BTD: variants seen among roughly 807,000 people sequenced by gnomAD.
The protein encoded by BTD is biotinidase.
BTD carries 13 observed loss-of-function variants against 17.7 expected under a neutral mutation model. That is an observed-to-expected ratio of 0.74 (90% CI 0.48 to 1.17). The LOEUF is 1.17. BTD is among the 50% of genes most tolerant of loss of function. The pLI is 0.00. For synonymous variants in BTD, 240 were observed against 245.2 expected, an observed-to-expected ratio of 0.98 and a Z score of 0.20; for missense variants, 674 against 650.4, an observed-to-expected ratio of 1.04 and a Z score of -0.39.
At chr3:15,688,040 G>A (rs531018953) in intron 3 of BTD, among the ~76,000 whole-genome samples, 102 of 152,324 alleles carry the variant, frequency 6.7e-4, no homozygotes, top group African/African-American at 2.4e-3. Flanking sequence ...TTATTGAATA[G>A]ATAGGCACTA....
intron 3 of BTD, among the ~76,000 whole-genome samples, chr3:15,682,204 GATTA>G (rs2067621061): frequency 6.6e-6 from 1 of 152,058 alleles, no homozygotes; most frequent in Non-Finnish European, 1.5e-5. Context: ...CATAAAAAAA[GATTA>G]TTTATGTTAA....
In BTD at chr3:15,645,024, G is replaced by T; in HGVS notation, c.1108G>T (p.Ala370Ser). The T allele has an allele frequency of 6.2e-7, 1 of 1,614,188 alleles. No homozygotes were observed. ...CDEATKWNVN[A>S]PPTFHSEMMY... ...TGAGGCCACCAAGTGGAACGTGAAT[G>T]CTCCTCCCACATTTCACTCTGAGAT... is the stretch of plus-strand genomic sequence containing the variant. Residue 370 changes from alanine (A) to serine (S), a missense_variant, in exon 4 of 4, where the codon GCT becomes TCT. Ala to Ser is a moderately conservative substitution (Grantham distance 99). Coordinates refer to ENST00000643237, the MANE Select transcript of BTD (RefSeq NM_001370658.1).
In BTD at chr3:15,648,040, G is replaced by C. The variant is rs2065734492; in HGVS notation, c.*2552G>C. Among the ~76,000 whole-genome samples the C allele has an allele frequency of 6.6e-6, 1 of 152,086 alleles. No individual in the cohort carries two copies. Among genetic ancestry groups the C allele is most frequent in the East Asian group, 1.9e-4 (1 of 5,186 alleles). ...CCACAGGTGGCCCTGCTTGGTACCT[G>C]TGCCCCCACCCCCCAGCCATGGTAT... is the stretch of plus-strand genomic sequence containing the variant. On this transcript the variant is annotated 3_prime_UTR_variant, in exon 4 of 4. Transcript: ENST00000643237.
At chr3:15,679,585 G>A (rs1413920248) in intron 3 of BTD, 1 of 1,583,820 alleles carries the variant, frequency 6.3e-7, no homozygotes, top group South Asian at 1.1e-5. Context: ...TAAAGAACCA[G>A]GTATTAAAAT....
chr3:15,713,326 C>A (rs947371814), downstream of BTD, among the ~76,000 whole-genome samples: 18 of 152,272 alleles, frequency 1.2e-4, 2 homozygotes, highest in South Asian at 3.3e-3. Flanking sequence ...GGGTAACATA[C>A]ATAAAAATAC....
In BTD at chr3:15,652,714, T is replaced by A. The variant is rs1288624195; in HGVS notation, c.*7226T>A. ...TACAATAGTCTTGCTACCAGCACCT[T>A]AATCTCCCACATCCAAGTTAAAATT... On this transcript the variant is annotated 3_prime_UTR_variant, in exon 4 of 4. Transcript: ENST00000643237. Among the ~76,000 whole-genome samples the A allele has an allele frequency of 1.3e-5, 2 of 152,248 alleles. No homozygotes were observed. The highest frequency in any genetic ancestry group is 2.9e-5 in the Non-Finnish European group (2 of 68,046).
intron 3 of BTD, among the ~76,000 whole-genome samples, chr3:15,659,785 G>A (rs1026876286): frequency 2.0e-5 from 3 of 152,272 alleles, no homozygotes; most frequent in East Asian, 1.9e-4. Context: ...TCCTTTATAT[G>A]CAGTCTTCCC....
chr3:15,696,712 G>C (rs750157367), intron 3 of BTD, among the ~76,000 whole-genome samples: 6 of 151,964 alleles, frequency 3.9e-5, no homozygotes, highest in Non-Finnish European at 8.8e-5. Flanking sequence ...ACCAAGGTCA[G>C]AACTCAATGA....
chr3:15,717,565 C>T (rs941604399), downstream of BTD, among the ~76,000 whole-genome samples: 1 of 151,602 alleles, frequency 6.6e-6, no homozygotes, highest in Non-Finnish European at 1.5e-5. Flanking sequence ...AAATTTAGAG[C>T]TACAAAAATC....
At chr3:15,695,921 C>T (rs2069478244) in intron 3 of BTD, among the ~76,000 whole-genome samples, 1 of 151,936 alleles carries the variant, frequency 6.6e-6, no homozygotes, top group East Asian at 1.9e-4. Flanking sequence ...TAATCAGTAG[C>T]CCTCTTCAGA....
chr3:15,702,626 C>T lies in BTD; in HGVS notation c.400-7434C>T, dbSNP rs2070777180. Among the ~76,000 whole-genome samples the T allele has an allele frequency of 3.3e-5, 5 of 152,056 alleles. 1 individual carries two copies. In the South Asian group the frequency reaches 1.0e-3, roughly 32 times the overall value. ...CTATTTAAATTTCTCCTACTCTTAC[C>T]CTACCACTCATGAACCCTACTATTT... On this transcript the variant is annotated intron_variant, in intron 3 of 3. Transcript: ENST00000672141.
At chr3:15,673,672 A>C (rs2066608339) in intron 3 of BTD, among the ~76,000 whole-genome samples, 1 of 152,202 alleles carries the variant, frequency 6.6e-6, no homozygotes, top group Non-Finnish European at 1.5e-5. Flanking sequence ...TGAGAAGATG[A>C]AACTGGAGCT....
chr3:15,673,439 C>T (rs1050013462), intron 3 of BTD, among the ~76,000 whole-genome samples: 1 of 152,208 alleles, frequency 6.6e-6, no homozygotes, highest in African/African-American at 2.4e-5. Flanking sequence ...AAGAATATAT[C>T]AGTGAATGCA....
chr3:15,685,726 T>C (rs916765515), intron 3 of BTD, among the ~76,000 whole-genome samples: 5 of 152,174 alleles, frequency 3.3e-5, no homozygotes, highest in Non-Finnish European at 7.3e-5. Flanking sequence ...GATTAAAGTG[T>C]ATAAGAAAAT....
Position 15,665,161 on chromosome 3 carries a change from A to G in BTD, c.399+23104A>G, listed in dbSNP as rs758349488. On this transcript the variant is annotated intron_variant, in intron 3 of 3. Transcript: ENST00000672141. The stretch of plus-strand genomic sequence containing the variant: ...CACAAGGAAATGAGAAGTAACACAA[A>G]AAGAGGAATGAAGCAGAGAAATGGA... 6.0e-4 allele frequency among the ~76,000 whole-genome samples: 92 copies of G among 152,352 alleles called. 1 individual carries two copies. The highest frequency in any genetic ancestry group is 1.2e-3 in the South Asian group (6 of 4,828).
At chr3:15,601,570 G>A (rs772176526), upstream of BTD, 5 of 1,598,392 alleles carry the variant, frequency 3.1e-6, no homozygotes, top group Non-Finnish European at 4.2e-6. Context: ...CTGCACCTCT[G>A]ACGGACAGGA....
downstream of BTD, among the ~76,000 whole-genome samples, chr3:15,656,586 G>A (rs2470533): frequency 0.66 from 100,180 of 152,020 alleles, 33,291 homozygotes; most frequent in East Asian, 0.77. Flanking sequence ...CTTTTGCCTG[G>A]GTGCTGGTTT....
intron 3 of BTD, among the ~76,000 whole-genome samples, chr3:15,671,192 T>G (rs2066298871): frequency 6.6e-6 from 1 of 152,202 alleles, no homozygotes; most frequent in Non-Finnish European, 1.5e-5. Context: ...AAATATTTCC[T>G]TTGTAAATAT....
chr3:15,677,041 C>T (rs973722986), intron 3 of BTD: 2 of 1,612,804 alleles, frequency 1.2e-6, no homozygotes, highest in South Asian at 1.1e-5. Context: ...ATTAACAAGG[C>T]ACTAGTTTCA....
Sources: allele counts gnomAD v4.1 joint callset (sites outside exome capture counted in the v4.1 genomes callset), GRCh38; gene constraint gnomAD v4.1.1; transcripts MANE v1.5; gene names NCBI Gene and HGNC (gene_info 2026-07-23, HGNC 2026-07-21).